The following RAPGEF4 variants were observed in gnomAD, a reference collection of about 807,000 sequenced individuals.
RAPGEF4 encodes RAP guanine-nucleotide-exchange factor (GEF) 4.
RAPGEF4 carries 66 observed loss-of-function variants against 147.9 expected under a neutral mutation model. That is an observed-to-expected ratio of 0.45 (90% CI 0.37 to 0.55). The LOEUF (loss-of-function observed/expected upper bound fraction) is 0.55, where lower values mean the gene tolerates loss of function less well. RAPGEF4 is among the 20% of genes least tolerant of loss of function. RAPGEF4 has a pLI of 0.00. For missense variants in RAPGEF4, 1,071 were observed against 1,257.3 expected, an observed-to-expected ratio of 0.85 and a Z score of 2.24; for synonymous variants, 419 against 442.7, an observed-to-expected ratio of 0.95 and a Z score of 0.67.
At chr2:172,828,709 C>G (rs1048107384) in intron 4 of RAPGEF4, among the ~76,000 whole-genome samples, 2 of 152,174 alleles carry the variant, frequency 1.3e-5, no homozygotes, top group African/African-American at 4.8e-5. Context: ...TGAAGGGGCC[C>G]TTTGCCTACA....
In RAPGEF4 at chr2:173,020,496, T is replaced by A; in HGVS notation, c.2156-122T>A. On this transcript the variant is annotated intron_variant, in intron 22 of 30. Transcript: ENST00000397081. ...CCGTGGATCCCTTCAGTACTCTATT[T>A]TATGCAGTCACTCTGCGTGTTCCGG... The A allele has an allele frequency of 6.1e-6, 5 of 823,326 alleles. 1 individual carries two copies. The South Asian group carries it at 6.8e-5, about 11-fold the overall frequency. The allele number at this position is 823,326 out of a possible 1,614,324, so 51.0% of individuals were successfully genotyped here.
rs141701889 is a variant in RAPGEF4 at position 172,988,092 on chromosome 2, G to A, written c.1151-104G>A. ...GCCAGTGATGTTTCTCGAATTTTAC[G>A]TATGCATATTTTCTGGGGACTTAAA... On this transcript the variant is annotated intron_variant, in intron 12 of 30. Coordinates refer to ENST00000397081, the MANE Select transcript of RAPGEF4 (RefSeq NM_007023.4). The A allele has an allele frequency of 2.2e-4, 301 of 1,396,806 alleles. No individual in the cohort carries two copies. The Middle Eastern group carries it at 2.7e-3, about 12-fold the overall frequency. 86.5% of individuals were successfully genotyped at this position (1,396,806 alleles called of 1,614,324 possible). A position where few individuals can be genotyped will look rare whatever the true frequency, so the allele number is the denominator to read the frequency against.
intron 4 of RAPGEF4, among the ~76,000 whole-genome samples, chr2:172,815,121 A>C (rs899306113): frequency 2.0e-5 from 3 of 152,234 alleles, no homozygotes; most frequent in African/African-American, 7.2e-5. Context: ...CGTTCTTTTC[A>C]GTTCTTTAAG....
Position 172,985,270 on chromosome 2 carries a change from C to T in RAPGEF4, c.1090-163C>T, listed in dbSNP as rs536710051. Among the ~76,000 whole-genome samples, 18 of 152,256 alleles carry T rather than the reference C, an allele frequency of 1.2e-4. No individual in the cohort carries two copies. The South Asian group carries it at 3.7e-3, about 32-fold the overall frequency. ...AAGCTTTAAAAGCCTAGCAGCAAAT[C>T]GAGTAGAAGTGATTTTAGATGAGAG... On this transcript the variant is annotated intron_variant, in intron 11 of 30. Transcript: ENST00000397081.
intron 17 of RAPGEF4, among the ~76,000 whole-genome samples, chr2:173,008,773 T>C (rs1160282722): frequency 1.3e-5 from 2 of 152,066 alleles, no homozygotes; most frequent in Non-Finnish European, 2.9e-5. Flanking sequence ...TAAGAATAAG[T>C]AAATGAGCAG....
In RAPGEF4 at chr2:172,750,379, A is replaced by G. The variant is rs778550640; in HGVS notation, c.65+14331A>G. ...GGCACCTCTTATATTGGCGGCAGGC[A>G]AGAGAGAGAATTAGAACCAAGCAGA... On this transcript the variant is annotated intron_variant, in intron 1 of 30. Transcript: ENST00000397081. Among the ~76,000 whole-genome samples the G allele has an allele frequency of 6.2e-4, 94 of 151,966 alleles. 1 individual carries two copies. Among genetic ancestry groups the G allele is most frequent in the Non-Finnish European group, 1.6e-4 (11 of 67,998 alleles).
At chr2:172,887,975 A>C (rs1697436987) in intron 4 of RAPGEF4, among the ~76,000 whole-genome samples, 1 of 152,150 alleles carries the variant, frequency 6.6e-6, no homozygotes, top group East Asian at 1.9e-4. Context: ...TGTTATTAGT[A>C]TCATAATTCA....
chr2:172,937,037 CAAAA>C (rs34104170), intron 6 of RAPGEF4, among the ~76,000 whole-genome samples: 5 of 52,598 alleles, frequency 9.5e-5, no homozygotes, highest in East Asian at 6.7e-4. Flanking sequence ...CCTCTCTCTG[CAAAA>C]AAAAAAAAAA....
intron 20 of RAPGEF4, 84 bp from the exon 21 acceptor site, chr2:173,017,342 T>A: frequency 6.7e-7 from 1 of 1,501,036 alleles, no homozygotes; most frequent in South Asian, 1.1e-5. Context: ...TTGACTCTGC[T>A]TGCTTCTCAG....
intron 4 of RAPGEF4, among the ~76,000 whole-genome samples, chr2:172,846,651 C>T (rs1490602979): frequency 1.3e-5 from 2 of 152,176 alleles, no homozygotes; most frequent in Non-Finnish European, 2.9e-5. Context: ...GAATAGCCCT[C>T]ATGGTGAACC....
intron 5 of RAPGEF4, among the ~76,000 whole-genome samples, chr2:172,919,142 G>A (rs1276604078): frequency 1.3e-5 from 2 of 152,100 alleles, no homozygotes; most frequent in African/African-American, 4.8e-5. Context: ...CACCTGAGTT[G>A]CAATCCCAGC....
intron 1 of RAPGEF4, among the ~76,000 whole-genome samples, chr2:172,749,598 G>A (rs1695082896): frequency 6.6e-6 from 1 of 152,224 alleles, no homozygotes; most frequent in Admixed American, 6.5e-5. Context: ...GCCATTGATG[G>A]GAAGGGCTGC....
intron 17 of RAPGEF4, among the ~76,000 whole-genome samples, chr2:173,014,105 G>C (rs1428752456): frequency 6.6e-6 from 1 of 152,216 alleles, no homozygotes; most frequent in African/African-American, 2.4e-5. Context: ...AATGCACCCA[G>C]AGAGAAGCAA....
intron 29 of RAPGEF4, among the ~76,000 whole-genome samples, chr2:173,037,148 C>A (rs563515943): frequency 1.3e-5 from 2 of 152,154 alleles, no homozygotes; most frequent in African/African-American, 2.4e-5. Context: ...CAATAAAGTT[C>A]GCTCAAGTTC....
At chr2:172,868,334 G>T (rs1247490594) in intron 4 of RAPGEF4, among the ~76,000 whole-genome samples, 1 of 152,174 alleles carries the variant, frequency 6.6e-6, no homozygotes, top group African/African-American at 2.4e-5. Flanking sequence ...CTCTAAATTT[G>T]TTTTGACATC....
At chr2:172,812,916 C>G (rs1688164133) in intron 3 of RAPGEF4, among the ~76,000 whole-genome samples, 1 of 152,184 alleles carries the variant, frequency 6.6e-6, no homozygotes, top group Admixed American at 6.5e-5. Context: ...TCAGAGAGAC[C>G]TAACTCATTG....
chr2:173,051,576 G>T (rs952450607), intron 30 of RAPGEF4, 64 bp from the exon 31 acceptor site: 2 of 1,501,918 alleles, frequency 1.3e-6, no homozygotes, highest in African/African-American at 2.8e-5. Flanking sequence ...AATTGGAGAA[G>T]TAAGATTGTA....
chr2:172,738,876 G>C (rs1694049707), intron 1 of RAPGEF4, among the ~76,000 whole-genome samples: 1 of 152,178 alleles, frequency 6.6e-6, no homozygotes, highest in Admixed American at 6.5e-5. Context: ...AAAGTCTGCA[G>C]TAGTAAAGAA....
chr2:172,985,336 CG>C, intron 11 of RAPGEF4, 96 bp from the exon 12 acceptor site: 1 of 1,560,318 alleles, frequency 6.4e-7, no homozygotes, highest in South Asian at 1.1e-5. Context: ...TGGGAAGCCC[CG>C]GGACAGTTTG....
Sources: gnomAD v4.1 joint callset for allele counts (sites outside exome capture counted in the v4.1 genomes callset) on GRCh38, gnomAD v4.1.1 for gene constraint, MANE v1.5 for transcripts, NCBI Gene and HGNC (gene_info 2026-07-23, HGNC 2026-07-21) for gene names.